CA4: variants seen among roughly 807,000 people sequenced by gnomAD.
CA4 encodes carbonic anhydrase 4.
Under a neutral mutation model 34.5 loss-of-function variants are expected in CA4, and 24 were observed. That is an observed-to-expected ratio of 0.70 (90% CI 0.50 to 0.98). The LOEUF (loss-of-function observed/expected upper bound fraction) is 0.98. Among genes scored for constraint, CA4 ranks in the 50% least tolerant of loss-of-function variants. CA4 has a pLI of 0.00. For missense variants in CA4, 394 were observed against 396.7 expected (o/e 0.99, Z 0.06); for synonymous variants, 178 against 170.6 (o/e 1.04, Z -0.34).
downstream of CA4, among the ~76,000 whole-genome samples, chr17:60,172,651 C>T (rs918609463): frequency 6.6e-6 from 1 of 151,822 alleles, no homozygotes; most frequent in Non-Finnish European, 1.5e-5. Context: ...CGAGACCAGC[C>T]TGGCCAACAT....
intron 5 of CA4, among the ~76,000 whole-genome samples, chr17:60,165,549 G>A (rs1401027874): frequency 3.9e-5 from 6 of 152,126 alleles, no homozygotes; most frequent in East Asian, 3.9e-4. Context: ...GGGATTGATC[G>A]GGTTGGGGAC....
Position 60,149,998 on chromosome 17 carries a change from G to C in CA4, c.-37G>C. On this transcript the variant is annotated 5_prime_UTR_variant, in exon 1 of 8. Coordinates refer to ENST00000300900, the MANE Select transcript of CA4 (RefSeq NM_000717.5). Reference sequence around the variant, plus strand: ...ACCCGCGGCGGCCTCCTCGGTGCGCGACCCCCGGCTCAGAGGACTCTTTGC... The same window carrying C: ...ACCCGCGGCGGCCTCCTCGGTGCGCCACCCCCGGCTCAGAGGACTCTTTGC... 1 of 1,578,536 alleles carries C rather than the reference G, an allele frequency of 6.3e-7. No individual in the cohort carries two copies. The highest frequency in any genetic ancestry group is 8.6e-7 in the Non-Finnish European group (1 of 1,160,504).
intron 1 of CA4, among the ~76,000 whole-genome samples, chr17:60,151,154 C>T (rs1447797597): frequency 6.6e-6 from 1 of 152,188 alleles, no homozygotes; most frequent in Non-Finnish European, 1.5e-5. Context: ...CAACCCCAGA[C>T]CCCATCACCG....
At chr17:60,167,134 C>T (rs1452497530) in intron 5 of CA4, among the ~76,000 whole-genome samples, 1 of 152,168 alleles carries the variant, frequency 6.6e-6, no homozygotes, top group Non-Finnish European at 1.5e-5. Context: ...GGGAATTGAA[C>T]CCAGATCTGC....
rs139520907 is a variant in CA4, at chr17:60,151,880, G to C, written c.58+1788G>C. ...CCATTGAGACAAGAGGCCGGGTGAG[G>C]ATATTTGGTCCCCTTCAGAGCCCCA... is the stretch of plus-strand genomic sequence containing the variant. On this transcript the variant is annotated intron_variant, in intron 1 of 7. Coordinates refer to ENST00000300900, the MANE Select transcript of CA4 (RefSeq NM_000717.5). Among the ~76,000 whole-genome samples the C allele has an allele frequency of 7.7e-3, 1,173 of 152,234 alleles. 14 individuals are homozygous for C. Among genetic ancestry groups the C allele is most frequent in the African/African-American group, 0.027 (1,122 of 41,522 alleles).
chr17:60,155,453 G>A, intron 2 of CA4, 86 bp downstream of exon 2: 1 of 1,084,744 alleles, frequency 9.2e-7, no homozygotes, highest in Non-Finnish European at 1.4e-6. Flanking sequence ...GAGTGGGAAG[G>A]GGAGGGGTGA....
At position 60,150,000 on chromosome 17, in the gene CA4, C is replaced by G. The variant is rs748128085; in HGVS notation, c.-35C>G. On this transcript the variant is annotated 5_prime_UTR_variant, in exon 1 of 8. Transcript: ENST00000300900. ...CCGCGGCGGCCTCCTCGGTGCGCGA[C>G]CCCCGGCTCAGAGGACTCTTTGCTG... 1 of 1,576,514 alleles carries G rather than the reference C, an allele frequency of 6.3e-7. No homozygotes were observed. The highest frequency in any genetic ancestry group is 8.6e-7 in the Non-Finnish European group (1 of 1,158,306).
At chr17:60,150,953 G>A (rs1377691113) in intron 1 of CA4, among the ~76,000 whole-genome samples, 1 of 152,214 alleles carries the variant, frequency 6.6e-6, no homozygotes, top group Non-Finnish European at 1.5e-5. Flanking sequence ...GGGACCCGGA[G>A]CCCCAAGGCC....
At chr17:60,162,381 GGGGA>G (rs2083801168), downstream of CA4, among the ~76,000 whole-genome samples, 1 of 152,148 alleles carries the variant, frequency 6.6e-6, no homozygotes, top group African/African-American at 2.4e-5. Context: ...CCCCCACCCT[GGGGA>G]TGGTGGCTCT....
chr17:60,159,513 G>A lies in CA4; in HGVS notation c.*89G>A. On this transcript the variant is annotated 3_prime_UTR_variant, in exon 8 of 8. Coordinates refer to ENST00000300900, the MANE Select transcript of CA4 (RefSeq NM_000717.5). ...TTAGCCTTCCCAGGTGGGACTTTAGGCATGATTAAAATATGGACATATTTT... is the reference window on the plus strand; with the variant it reads ...TTAGCCTTCCCAGGTGGGACTTTAGACATGATTAAAATATGGACATATTTT... 2 of 1,408,164 alleles carry A rather than the reference G, an allele frequency of 1.4e-6. No homozygotes were observed. The highest frequency in any genetic ancestry group is 2.0e-6 in the Non-Finnish European group (2 of 1,020,932). The allele number at this position is 1,408,164 out of a possible 1,614,324, so 87.2% of individuals were successfully genotyped here.
chr17:60,177,588 C>T, the CA4 span, among the ~76,000 whole-genome samples: 1 of 152,166 alleles, frequency 6.6e-6, no homozygotes. Context: ...AAATCTTCCA[C>T]TTTTTAATGG....
chr17:60,152,007 G>A (rs897851705), intron 1 of CA4, among the ~76,000 whole-genome samples: 9 of 152,084 alleles, frequency 5.9e-5, no homozygotes, highest in South Asian at 2.1e-4. Flanking sequence ...GGGAGGTGGG[G>A]TGAGCAAGGT....
chr17:60,149,975 C>T lies in CA4; in HGVS notation c.-60C>T. 1 of 1,403,166 alleles carries T rather than the reference C, an allele frequency of 7.1e-7. No homozygotes were observed. The highest frequency in any genetic ancestry group is 9.9e-7 in the Non-Finnish European group (1 of 1,008,056). 86.9% of individuals were successfully genotyped at this position (1,403,166 alleles called of 1,614,324 possible). A position where few individuals can be genotyped will look rare whatever the true frequency, so the allele number is the denominator to read the frequency against. Reference sequence around the variant, plus strand: ...ACCCAGGCCGGCAGGATCGCTGCACCCGCGGCGGCCTCCTCGGTGCGCGAC... The same window carrying T: ...ACCCAGGCCGGCAGGATCGCTGCACTCGCGGCGGCCTCCTCGGTGCGCGAC... On this transcript the variant is annotated 5_prime_UTR_variant, in exon 1 of 8. Transcript: ENST00000300900.
chr17:60,172,362 T>C (rs1008924288), downstream of CA4, among the ~76,000 whole-genome samples: 3 of 152,144 alleles, frequency 2.0e-5, no homozygotes, highest in African/African-American at 4.8e-5. Flanking sequence ...CCTTTTTTCT[T>C]CCTCCTCCAC....
At chr17:60,152,137 G>T (rs1045303718) in intron 1 of CA4, among the ~76,000 whole-genome samples, 4 of 152,070 alleles carry the variant, frequency 2.6e-5, no homozygotes, top group African/African-American at 7.2e-5. Context: ...CTCTGGTCAG[G>T]GTGGATGGAC....
chr17:60,157,696 A>G lies in CA4; in HGVS notation c.421A>G (p.Ile141Val). ...DGEHFAMEMH[I>V]VHEKEKGTSR... is the part of the protein sequence containing the mutation. ...ACCCCTCCACCCCGACCAGATGCAC[A>G]TAGTACATGAGAAAGAGAAGGGGAC... Residue 141 changes from isoleucine (I) to valine (V), a missense_variant, in exon 5 of 8, where the codon ATA becomes GTA. Coordinates refer to ENST00000300900, the MANE Select transcript of CA4 (RefSeq NM_000717.5). 6.2e-7 allele frequency: 1 copy of G among 1,613,784 alleles called. No homozygotes were observed. Among genetic ancestry groups the G allele is most frequent in the Non-Finnish European group, 8.5e-7 (1 of 1,179,648 alleles).
chr17:60,155,358 C>A lies in CA4; in HGVS notation c.103C>A (p.Pro35Thr), dbSNP rs144799719. The A allele has an allele frequency of 6.2e-7, 1 of 1,609,842 alleles. No individual in the cohort carries two copies. Among genetic ancestry groups the A allele is most frequent in the Non-Finnish European group, 8.5e-7 (1 of 1,178,124 alleles). ...YEVQAESSNY[P>T]CLVPVKWGGN... ...GGTTCAAGCCGAGTCCTCCAACTAC[C>A]CCTGCTTGGGTGAGTACAGCCAGTC... is the stretch of plus-strand genomic sequence containing the variant. Residue 35 changes from proline (P) to threonine (T), a missense_variant, in exon 2 of 8, where the codon CCC becomes ACC. Coordinates refer to ENST00000300900, the MANE Select transcript of CA4 (RefSeq NM_000717.5).
At chr17:60,166,990 T>C (rs1302793984) in intron 5 of CA4, among the ~76,000 whole-genome samples, 3 of 151,668 alleles carry the variant, frequency 2.0e-5, no homozygotes, top group East Asian at 3.9e-4. Flanking sequence ...AAAAAACAAA[T>C]AGAGCTGAGA....
chr17:60,162,546 TACACACACACACACAC>T (rs770876140), downstream of CA4, among the ~76,000 whole-genome samples: 13 of 132,230 alleles, frequency 9.8e-5, no homozygotes, highest in South Asian at 2.8e-3. Context: ...CTGCATGGGG[TACACACACACACACAC>T]ACACACACAC....
Sources: allele counts gnomAD v4.1 joint callset (sites outside exome capture counted in the v4.1 genomes callset), GRCh38; gene constraint gnomAD v4.1.1; transcripts MANE v1.5; gene names NCBI Gene and HGNC (gene_info 2026-07-23, HGNC 2026-07-21).